Variants in EPRS1 observed in about 807,000 individuals in gnomAD.
EPRS1 encodes glutamyl-prolyl-tRNA synthetase 1, also known as bifunctional glutamate/proline--tRNA ligase.
EPRS1 carries 107 observed loss-of-function variants against 188.3 expected under a neutral mutation model. The observed-to-expected ratio is 0.57, with a 90% confidence interval of 0.49 to 0.67. The LOEUF (loss-of-function observed/expected upper bound fraction) is 0.67, where lower values mean the gene tolerates loss of function less well. EPRS1 is among the 30% of genes least tolerant of loss of function. The pLI is 0.00. For missense variants in EPRS1, 1,577 were observed against 1,802.2 expected, an observed-to-expected ratio of 0.88 and a Z score of 2.26; for synonymous variants, 596 against 593.1, an observed-to-expected ratio of 1.00 and a Z score of -0.07.
chr1:219,974,938 GAA>G (rs1172116889), intron 28 of EPRS1, among the ~76,000 whole-genome samples: 1 of 152,134 alleles, frequency 6.6e-6, no homozygotes, highest in Non-Finnish European at 1.5e-5. Context: ...TCCTCAGCTG[GAA>G]GAGAGAAGAA....
At chr1:219,982,922 C>G (rs754939424) in intron 22 of EPRS1, 78 bp from the exon 23 acceptor site, 391 of 1,311,738 alleles carry the variant, frequency 3.0e-4, no homozygotes, top group Non-Finnish European at 3.9e-4. Flanking sequence ...GGCAAATTTC[C>G]TCTGTTTTAA....
At chr1:220,002,929 T>C (rs1661388193) in intron 16 of EPRS1, among the ~76,000 whole-genome samples, 1 of 152,252 alleles carries the variant, frequency 6.6e-6, no homozygotes, top group African/African-American at 2.4e-5. Context: ...TTATGAATAA[T>C]GCAGCTGTAA....
At position 220,007,498 on chromosome 1, in the gene EPRS1, C is replaced by T. The variant is rs1004822546; in HGVS notation, c.1606-160G>A. ...TGTATTAGGAAGAAAATGCTTTACT[C>T]TTTCTCCATCTATGTATTTTAACAT... On this transcript the variant is annotated intron_variant, in intron 13 of 31. Transcript: ENST00000366923. The T allele has an allele frequency of 1.1e-4, 65 of 576,792 alleles. No homozygotes were observed. The Admixed American group carries it at 1.8e-3, about 16-fold the overall frequency. The allele number at this position is 576,792 out of a possible 1,614,324, so 35.7% of individuals were successfully genotyped here.
intron 9 of EPRS1, among the ~76,000 whole-genome samples, chr1:220,020,478 G>T (rs1207969183): frequency 6.6e-6 from 1 of 152,048 alleles, no homozygotes; most frequent in Non-Finnish European, 1.5e-5. Context: ...TATTGGCTTG[G>T]CAAATTGTAT....
Position 220,046,368 on chromosome 1 carries a change from G to T in EPRS1, c.21C>A (p.Thr7=), listed in dbSNP as rs146737744. Residue 7 remains threonine, a synonymous_variant, in exon 1 of 32, where the codon ACC becomes ACA. Transcript: ENST00000366923. Reference sequence around the variant, plus strand: ...CTAGCGGAGGGTCTCCTGAATTCACGGTCAGAGAGAGCGTCGCCATCTCCA... The same window carrying T: ...CTAGCGGAGGGTCTCCTGAATTCACTGTCAGAGAGAGCGTCGCCATCTCCA... MATLSL[T]VNSGDPPLGA... 6.2e-7 allele frequency: 1 copy of T among 1,614,094 alleles called. No homozygotes were observed. The highest frequency in any genetic ancestry group is 8.5e-7 in the Non-Finnish European group (1 of 1,179,984).
intron 1 of EPRS1, among the ~76,000 whole-genome samples, chr1:220,044,681 C>CAAAAAAAAAAAAAAAAAAAAAAAAAAA (rs71560597): frequency 1.1e-5 from 1 of 88,344 alleles, no homozygotes; most frequent in African/African-American, 4.1e-5. Context: ...GCTCGGTCTC[C>CAAAAAAAAAAAAAAAAAAAAAAAAAAA]AAAAAAAAAA....
chr1:220,040,625 C>T (rs892275723), intron 1 of EPRS1, among the ~76,000 whole-genome samples: 1 of 151,540 alleles, frequency 6.6e-6, no homozygotes, highest in Non-Finnish European at 1.5e-5. Flanking sequence ...CCAAGGCAGG[C>T]GGATCACCTG....
intron 3 of EPRS1, 55 bp downstream of exon 3, chr1:220,034,859 A>T: frequency 1.0e-6 from 1 of 974,476 alleles, no homozygotes; most frequent in Non-Finnish European, 1.7e-6. Flanking sequence ...TGAGGTTCCC[A>T]TAAAAAAACA....
rs772737182 is a variant in EPRS1 at position 219,978,646 on chromosome 1, T to C, written c.3983A>G (p.Asn1328Ser). The change falls in exon 28 of 32, where the codon AAT becomes AGT. Residue 1328 changes from asparagine to serine, a missense_variant. Asn to Ser is a conservative substitution (Grantham distance 46). Transcript: ENST00000366923. ...EDKEALIAKC[N>S]DYRRRLLSVN... ...ACTGAGTAATCGCCTTCGATAATCA[T>C]TGCATTTTGCAATCAGCGCTTCTTT... 1.2e-6 allele frequency: 2 copies of C among 1,612,868 alleles called. No individual in the cohort carries two copies. Among genetic ancestry groups the C allele is most frequent in the Non-Finnish European group, 1.7e-6 (2 of 1,179,236 alleles).
In EPRS1 at chr1:220,011,050, C is replaced by G. The variant is rs529001924; in HGVS notation, c.1501G>C (p.Asp501His). ...KIWAFNKKVI[D>H]PVAPRYVALL... Reference sequence around the variant, plus strand: ...GCAACATATCGTGGAGCCACTGGGTCAATAACCTGCAACAAATACATCCTC... The same window carrying G: ...GCAACATATCGTGGAGCCACTGGGTGAATAACCTGCAACAAATACATCCTC... Residue 501 changes from aspartate to histidine, a missense_variant, in exon 13 of 32, where the codon GAC (aspartate) becomes CAC (histidine). Around this residue, in one of 3 missense-constraint regions of EPRS1, gnomAD observed 1,278 missense variants for 1,457.4 expected, o/e 0.88. Coordinates refer to ENST00000366923, the MANE Select transcript of EPRS1 (RefSeq NM_004446.3). 1 of 1,578,618 alleles carries G rather than the reference C, an allele frequency of 6.3e-7. No homozygotes were observed. The highest frequency in any genetic ancestry group is 1.3e-5 in the African/African-American group (1 of 74,366).
chr1:220,037,032 G>GAA (rs113145046), intron 2 of EPRS1, among the ~76,000 whole-genome samples: 1 of 144,546 alleles, frequency 6.9e-6, no homozygotes, highest in Non-Finnish European at 1.5e-5. Flanking sequence ...GAAAGTAAAG[G>GAA]AAAAAAAAAA....
At chr1:220,027,254 C>A (rs1661993489) in intron 6 of EPRS1, among the ~76,000 whole-genome samples, 1 of 152,010 alleles carries the variant, frequency 6.6e-6, no homozygotes, top group East Asian at 1.9e-4. Context: ...GAAACCCCGT[C>A]TCTACTAAAA....
chr1:220,002,668 T>G (rs1661382741), intron 16 of EPRS1, among the ~76,000 whole-genome samples: 1 of 152,072 alleles, frequency 6.6e-6, no homozygotes, highest in African/African-American at 2.4e-5. Flanking sequence ...AAGACTAGCC[T>G]GGGAAACATG....
Position 219,968,642 on chromosome 1 carries a change from C to A in EPRS1, c.*164G>T. ...TTACTGGAGTTGTTTACAGAAAAGT[C>A]TTTTATCCACTGTTAACTTAGGCAT... On this transcript the variant is annotated 3_prime_UTR_variant, in exon 32 of 32. Transcript: ENST00000366923. 1 of 613,734 alleles carries A rather than the reference C, an allele frequency of 1.6e-6. No homozygotes were observed. 38.0% of individuals were successfully genotyped at this position (613,734 alleles called of 1,614,324 possible). A position where few individuals can be genotyped will look rare whatever the true frequency, so the allele number is the denominator to read the frequency against.
Position 219,983,450 on chromosome 1 carries a change from T to C in EPRS1, c.3091-52A>G, listed in dbSNP as rs55948649. 339 of 1,316,602 alleles carry C rather than the reference T, an allele frequency of 2.6e-4. No individual in the cohort carries two copies. In the African/African-American group the frequency reaches 4.7e-3, roughly 18 times the overall value. The allele number at this position is 1,316,602 out of a possible 1,614,324, so 81.6% of individuals were successfully genotyped here. A position where few individuals can be genotyped will look rare whatever the true frequency, so the allele number is the denominator to read the frequency against. ...AGCTTACATTGAACCAAAATTCTAG[T>C]ATAAGTGGCAAGAGTATGATAACCA... On this transcript the variant is annotated intron_variant, in intron 21 of 31. Transcript: ENST00000366923.
At chr1:219,973,524 A>AAAAC in intron 28 of EPRS1, 126 bp from the exon 29 acceptor site, 1 of 474,052 alleles carries the variant, frequency 2.1e-6, no homozygotes. Flanking sequence ...AGCCAAAAAA[A>AAAAC]ACAAGAGAAA....
At position 219,995,324 on chromosome 1, in the gene EPRS1, TTC is replaced by T. The variant is rs144923825; in HGVS notation, c.2541+1657_2541+1658del. 9.6e-4 allele frequency among the ~76,000 whole-genome samples: 146 copies of T among 152,334 alleles called. 1 individual carries two copies. The highest frequency in any genetic ancestry group is 3.3e-3 in the African/African-American group (138 of 41,588). ...CTGTCACTCCAAGTACAACGGTTGCTTCTGTTACTATTCCACCCATAATTAAG... is the reference window on the plus strand; with the variant it reads ...CTGTCACTCCAAGTACAACGGTTGCTTGTTACTATTCCACCCATAATTAAG... On this transcript the variant is annotated intron_variant, in intron 18 of 31. Coordinates refer to ENST00000366923, the MANE Select transcript of EPRS1 (RefSeq NM_004446.3).
At chr1:220,006,968 C>G (rs1661500054) in intron 14 of EPRS1, among the ~76,000 whole-genome samples, 1 of 151,956 alleles carries the variant, frequency 6.6e-6, no homozygotes, top group Non-Finnish European at 1.5e-5. Flanking sequence ...TTTTTTATAT[C>G]CAGATGTAGT....
At chr1:219,969,378 C>A in intron 30 of EPRS1, 2 of 425,092 alleles carry the variant, frequency 4.7e-6, no homozygotes, top group Admixed American at 4.0e-5. Context: ...GCAGTACCCT[C>A]AAATCTCCCA....
Sources: allele counts gnomAD v4.1 joint callset (sites outside exome capture counted in the v4.1 genomes callset), GRCh38; gene constraint gnomAD v4.1.1; regional missense constraint gnomAD v4.1.1; transcripts MANE v1.5; gene names NCBI Gene and HGNC (gene_info 2026-07-23, HGNC 2026-07-21).